Variants in SH3PXD2B observed in about 807,000 individuals in gnomAD.
SH3PXD2B encodes the protein SH3 and PX domain-containing protein 2B.
A neutral mutation model predicts 73.1 loss-of-function variants in SH3PXD2B; 37 were observed. The ratio of observed to expected loss-of-function variants is 0.51; its 90% CI spans 0.39 to 0.67. The LOEUF (loss-of-function observed/expected upper bound fraction) is 0.67. SH3PXD2B is among the 30% of genes least tolerant of loss of function. The probability of loss-of-function intolerance (pLI) is 0.00; values close to 1 mark genes in which losing one functional copy is unlikely to be tolerated. For missense variants in SH3PXD2B, 1,053 were observed against 1,197.8 expected (o/e 0.88, Z 1.78); for synonymous variants, 457 against 480.5 (o/e 0.95, Z 0.64).
intron 1 of SH3PXD2B, among the ~76,000 whole-genome samples, chr5:172,452,315 C>T (rs1245753643): frequency 2.0e-5 from 3 of 152,122 alleles, no homozygotes; most frequent in Non-Finnish European, 2.9e-5. Context: ...GTTCTCAAAG[C>T]GCAAAACCTT....
chr5:172,440,370 T>G (rs1046916984), intron 1 of SH3PXD2B, among the ~76,000 whole-genome samples: 7 of 152,188 alleles, frequency 4.6e-5, no homozygotes, highest in African/African-American at 1.7e-4. Flanking sequence ...AGCAGCCATT[T>G]TGGCCCTGCC....
At position 172,454,269 on chromosome 5, in the gene SH3PXD2B, C is replaced by A. The variant is rs1235120280; in HGVS notation, c.75+9G>T. ...GCTCAAGGGGGCGTGGGGGCCGCGC[C>A]GCACTCACATAATGCTTGTTGGGCA... On this transcript the variant is annotated intron_variant, in intron 1 of 12. Transcript: ENST00000311601. The A allele has an allele frequency of 1.3e-6, 2 of 1,594,460 alleles. No individual in the cohort carries two copies. The highest frequency in any genetic ancestry group is 1.1e-5 in the South Asian group (1 of 89,810).
chr5:172,382,556 A>AACAC (rs3057156), intron 4 of SH3PXD2B, among the ~76,000 whole-genome samples: 36,643 of 149,410 alleles, frequency 0.25, 4,494 homozygotes, highest in East Asian at 0.4. Context: ...TTTGGAGAAC[A>AACAC]ACACACACAC....
chr5:172,339,034 C>T lies in SH3PXD2B; in HGVS notation c.2071G>A (p.Gly691Ser), dbSNP rs755625941. The change falls in exon 13 of 13, where the codon GGC becomes AGC. Residue 691 changes from glycine to serine, a missense_variant. Coordinates refer to ENST00000311601, the MANE Select transcript of SH3PXD2B (RefSeq NM_001017995.3). This position sits in a 1 kb window ranked among gnomAD's most constrained non-coding sequence, Gnocchi z 6.1. ...LDGEGPQAVG[G>S]QDVAFSRSFL... ...CTTCGGCTGAAGGCCACGTCTTGGC[C>T]CCCTACTGCCTGGGGGCCCTCCCCA... 18 of 1,614,042 alleles carry T rather than the reference C, an allele frequency of 1.1e-5. No individual in the cohort carries two copies. The highest frequency in any genetic ancestry group is 1.4e-5 in the Non-Finnish European group (17 of 1,179,972).
At chr5:172,367,295 T>C (rs188276737) in intron 6 of SH3PXD2B, among the ~76,000 whole-genome samples, 14 of 151,868 alleles carry the variant, frequency 9.2e-5, no homozygotes, top group African/African-American at 3.4e-4. Flanking sequence ...TGTCAGAACA[T>C]GTTTCTCAAA....
At chr5:172,449,448 GA>G (rs1439994045) in intron 1 of SH3PXD2B, among the ~76,000 whole-genome samples, 1 of 152,140 alleles carries the variant, frequency 6.6e-6, no homozygotes, top group African/African-American at 2.4e-5. Flanking sequence ...CCACCTCTCT[GA>G]ATCTGCAGAC....
chr5:172,454,045 G>C (rs1466502128), intron 1 of SH3PXD2B, among the ~76,000 whole-genome samples: 1 of 151,542 alleles, frequency 6.6e-6, no homozygotes, highest in Non-Finnish European at 1.5e-5. Flanking sequence ...CGAGTAGGGG[G>C]GCGAGGCGGG....
At chr5:172,408,335 A>G (rs1460992033) in intron 2 of SH3PXD2B, among the ~76,000 whole-genome samples, 6 of 151,284 alleles carry the variant, frequency 4.0e-5, no homozygotes, top group African/African-American at 1.2e-4. Flanking sequence ...TGGCACAATC[A>G]TGGCTCACTG....
At position 172,338,630 on chromosome 5, in the gene SH3PXD2B, C is replaced by A; in HGVS notation, c.2475G>T (p.Gly825=). The change falls in exon 13 of 13, where the codon GGG becomes GGT. Residue 825 remains glycine, a synonymous_variant. Coordinates refer to ENST00000311601, the MANE Select transcript of SH3PXD2B (RefSeq NM_001017995.3). This position sits in a 1 kb window ranked among gnomAD's most constrained non-coding sequence, Gnocchi z 5.1. ...QDDTRGKGSL[G]PWGTGKIGEN... ...CTCCAATCTTGCCGGTCCCCCATGG[C>A]CCCAGGCTGCCTTTGCCTCGCGTGT... 6.2e-7 allele frequency: 1 copy of A among 1,614,128 alleles called. No individual in the cohort carries two copies. The highest frequency in any genetic ancestry group is 8.5e-7 in the Non-Finnish European group (1 of 1,180,014).
chr5:172,449,037 C>G (rs1413143366), intron 1 of SH3PXD2B, among the ~76,000 whole-genome samples: 1 of 152,210 alleles, frequency 6.6e-6, no homozygotes, highest in African/African-American at 2.4e-5. Context: ...GCGCAATCTA[C>G]TCTTCCAAAC....
rs769916334 is a variant in SH3PXD2B, at chr5:172,406,359, G to C, written c.157-7C>G. 15 of 1,613,744 alleles carry C rather than the reference G, an allele frequency of 9.3e-6. No homozygotes were observed. The highest frequency in any genetic ancestry group is 6.7e-5 in the East Asian group (3 of 44,888). On this transcript the variant is annotated splice_polypyrimidine_tract_variant and splice_region_variant and intron_variant, in intron 2 of 12. Transcript: ENST00000311601. ...ATTTGTCCAACATCTGCATCTAAGT[G>C]GGGGGCGAATACCAAAAACAAAAAC... is the stretch of plus-strand genomic sequence containing the variant.
Position 172,335,347 on chromosome 5 carries a change from G to A in SH3PXD2B, c.*3022C>T. 7 of 1,208,258 alleles carry A rather than the reference G, an allele frequency of 5.8e-6. No homozygotes were observed. Among genetic ancestry groups the A allele is most frequent in the Non-Finnish European group, 7.2e-6 (7 of 973,724 alleles). The allele number at this position is 1,208,258 out of a possible 1,614,324, so 74.8% of individuals were successfully genotyped here. A position where few individuals can be genotyped will look rare whatever the true frequency, so the allele number is the denominator to read the frequency against. On this transcript the variant is annotated 3_prime_UTR_variant, in exon 13 of 13. Transcript: ENST00000311601. ...AAGAGGCACCGAAATTCAGAGGGAG[G>A]GTCACTTGATTCCCTGGAAGCCCTC...
intron 12 of SH3PXD2B, among the ~76,000 whole-genome samples, chr5:172,341,387 T>C (rs1756845445): frequency 6.6e-6 from 1 of 152,172 alleles, no homozygotes; most frequent in Admixed American, 6.5e-5. Context: ...AGATCCCTCA[T>C]GAATGGCTTG....
At position 172,430,975 on chromosome 5, in the gene SH3PXD2B, T is replaced by C. The variant is rs374416253; in HGVS notation, c.76-8479A>G. 2.0e-5 allele frequency among the ~76,000 whole-genome samples: 3 copies of C among 152,262 alleles called. No homozygotes were observed. In the East Asian group the frequency reaches 5.8e-4, roughly 29 times the overall value. ...TCCACATCCCGGGTTCAAGCGATTC[T>C]CATTCTTCAGCCTCCCAAGTAGCTG... On this transcript the variant is annotated intron_variant, in intron 1 of 12. Transcript: ENST00000311601.
At chr5:172,326,928 C>T (rs1756456665) in intron 12 of SH3PXD2B, among the ~76,000 whole-genome samples, 1 of 147,246 alleles carries the variant, frequency 6.8e-6, no homozygotes, top group African/African-American at 2.5e-5. Context: ...ACGATCTTGG[C>T]TCACTGCAAC....
chr5:172,373,756 T>C (rs1377540832), intron 6 of SH3PXD2B, 34 bp downstream of exon 6: 1 of 1,605,480 alleles, frequency 6.2e-7, no homozygotes, highest in African/African-American at 1.3e-5. Flanking sequence ...TGCCGAAAAC[T>C]GAACGAAGAG....
At chr5:172,368,526 TTA>T (rs1234851274) in intron 6 of SH3PXD2B, among the ~76,000 whole-genome samples, 163 of 7,048 alleles carry the variant, frequency 0.023, 16 homozygotes, top group South Asian at 0.052. Context: ...TATATATATA[TTA>T]TATATATATA....
At position 172,454,410 on chromosome 5, in the gene SH3PXD2B, G is replaced by A. The variant is rs1759886097; in HGVS notation, c.-58C>T. 1 of 1,122,466 alleles carries A rather than the reference G, an allele frequency of 8.9e-7. No homozygotes were observed. The highest frequency in any genetic ancestry group is 1.1e-6 in the Non-Finnish European group (1 of 900,200). The allele number at this position is 1,122,466 out of a possible 1,614,324, so 69.5% of individuals were successfully genotyped here. On this transcript the variant is annotated 5_prime_UTR_variant, in exon 1 of 13. Coordinates refer to ENST00000311601, the MANE Select transcript of SH3PXD2B (RefSeq NM_001017995.3). ...GGGTGCGGGTGGCGCGGGGTGCAGG[G>A]AGCGCTGGGGGCGCGCCGCCGCGGG...
In SH3PXD2B at chr5:172,339,672, A is replaced by C. The variant is rs760627976; in HGVS notation, c.1433T>G (p.Met478Arg). The change falls in exon 13 of 13, where the codon ATG (methionine) becomes AGG (arginine). Residue 478 changes from methionine to arginine, a missense_variant. Physicochemically the swap from Met to Arg is moderately conservative, Grantham distance 91. This residue lies in a region of SH3PXD2B where 587 missense variants were observed against 590.7 expected (regional missense o/e 0.99). Coordinates refer to ENST00000311601, the MANE Select transcript of SH3PXD2B (RefSeq NM_001017995.3). This position sits in a 1 kb window ranked among gnomAD's most constrained non-coding sequence, Gnocchi z 6.1. ...RPLPDAPHGV[M>R]DSGLPWSKDW... is the part of the protein sequence containing the mutation. ...TTTAGACCATGGCAACCCCGAGTCC[A>C]TGACACCATGCGGTGCGTCAGGCAG... The C allele has an allele frequency of 1.2e-6, 2 of 1,614,188 alleles. No individual in the cohort carries two copies. The highest frequency in any genetic ancestry group is 1.7e-6 in the Non-Finnish European group (2 of 1,180,034).
Sources: allele counts gnomAD v4.1 joint callset (sites outside exome capture counted in the v4.1 genomes callset), GRCh38; gene constraint gnomAD v4.1.1; regional missense constraint gnomAD v4.1.1; non-coding constraint Gnocchi (gnomAD v3.1); transcripts MANE v1.5; gene names NCBI Gene and HGNC (gene_info 2026-07-23, HGNC 2026-07-21).